The following ECT2L variants were observed in gnomAD, a reference collection of about 807,000 sequenced individuals.
The protein encoded by ECT2L is epithelial cell transforming 2 like, also known as epithelial cell-transforming sequence 2 oncogene-like.
In ECT2L, 126 loss-of-function variants were observed where a neutral mutation model predicts 122.8. The ratio of observed to expected loss-of-function variants is 1.03; its 90% CI spans 0.89 to 1.19. The LOEUF is 1.19. Among genes scored for constraint, ECT2L ranks in the 50% most tolerant of loss-of-function variants. The probability of loss-of-function intolerance (pLI) is 0.00; values close to 1 mark genes in which losing one functional copy is unlikely to be tolerated. For missense variants in ECT2L, 1,012 were observed against 1,064.1 expected, an observed-to-expected ratio of 0.95 and a Z score of 0.68; for synonymous variants, 385 against 381.8, an observed-to-expected ratio of 1.01 and a Z score of -0.10.
Position 138,899,165 on chromosome 6 carries a change from GAAGT to G in ECT2L, c.2415-1779_2415-1776del, listed in dbSNP as rs1329040575. On this transcript the variant is annotated intron_variant, in intron 20 of 21. Coordinates refer to ENST00000541398, the MANE Select transcript of ECT2L (RefSeq NM_001077706.3). ...AGTGGCAATACAGAAAAAAAAAAAT[GAAGT>G]AAGAGAGAGAGGGAGGGAAAAAAAG... 1.8e-4 allele frequency among the ~76,000 whole-genome samples: 27 copies of G among 151,638 alleles called. No individual in the cohort carries two copies. The South Asian group carries it at 4.8e-3, about 27-fold the overall frequency.
intron 13 of ECT2L, among the ~76,000 whole-genome samples, chr6:138,873,508 TTCCAGCCGGGAGC>T (rs2128403450): frequency 6.6e-6 from 1 of 152,212 alleles, no homozygotes; most frequent in East Asian, 1.9e-4. Context: ...TTAAAGACCC[TTCCAGCCGGGAGC>T]AGCGGCTCAC....
intron 5 of ECT2L, among the ~76,000 whole-genome samples, chr6:138,840,395 T>A (rs974057635): frequency 6.6e-6 from 1 of 152,152 alleles, no homozygotes; most frequent in African/African-American, 2.4e-5. Context: ...TTTTCTGTAG[T>A]TCATTTTTTT....
rs552594959 is a variant in ECT2L at position 138,890,492 on chromosome 6, C to CTTTTTTTTTTT, written c.2414+1479_2414+1489dup. Among the ~76,000 whole-genome samples the CTTTTTTTTTTT allele has an allele frequency of 7.4e-3, 585 of 78,920 alleles. 60 individuals are homozygous for CTTTTTTTTTTT. Among genetic ancestry groups the CTTTTTTTTTTT allele is most frequent in the East Asian group, 0.037 (57 of 1,558 alleles). The allele number at this position is 78,920 out of a possible 152,430, so 51.8% of individuals were successfully genotyped here. A position where few individuals can be genotyped will look rare whatever the true frequency, so the allele number is the denominator to read the frequency against. On this transcript the variant is annotated intron_variant, in intron 20 of 21. Transcript: ENST00000541398. ...TCATGACATTTTTGTTTTCTTTGAT[C>CTTTTTTTTTTT]TTTTTTTTTTTTTTTTTTTTTTTTT... is the stretch of plus-strand genomic sequence containing the variant.
At chr6:138,895,561 A>G (rs527629249) in intron 20 of ECT2L, among the ~76,000 whole-genome samples, 6 of 148,502 alleles carry the variant, frequency 4.0e-5, no homozygotes, top group Admixed American at 1.3e-4. Flanking sequence ...CAATTACTAA[A>G]CATATATATA....
intron 4 of ECT2L, among the ~76,000 whole-genome samples, chr6:138,836,092 G>C (rs1344215352): frequency 6.6e-6 from 1 of 151,936 alleles, no homozygotes; most frequent in East Asian, 1.9e-4. Context: ...GCGTCGGGGG[G>C]CATAGCATAT....
intron 4 of ECT2L, among the ~76,000 whole-genome samples, chr6:138,825,575 T>A (rs1776418298): frequency 6.6e-6 from 1 of 151,826 alleles, no homozygotes; most frequent in Admixed American, 6.6e-5. Context: ...AGAGCAGGAC[T>A]CCGTCTAAAA....
chr6:138,809,892 A>G (rs934713102), intron 1 of ECT2L, among the ~76,000 whole-genome samples: 1 of 152,138 alleles, frequency 6.6e-6, no homozygotes, highest in East Asian at 1.9e-4. Flanking sequence ...AACACATTCT[A>G]TATTATGTGG....
At chr6:138,856,612 A>G (rs556157344) in intron 10 of ECT2L, among the ~76,000 whole-genome samples, 1 of 152,320 alleles carries the variant, frequency 6.6e-6, no homozygotes, top group East Asian at 1.9e-4. Context: ...CTTGGATTTA[A>G]TGGCCCAATT....
intron 1 of ECT2L, among the ~76,000 whole-genome samples, chr6:138,799,090 A>G (rs112684460): frequency 2.9e-4 from 44 of 152,304 alleles, no homozygotes; most frequent in Admixed American, 2.7e-3. Flanking sequence ...CTGATTCACG[A>G]ATCGTCCATT....
chr6:138,844,671 G>T (rs1334373601), intron 7 of ECT2L, 91 bp downstream of exon 7: 1 of 1,203,612 alleles, frequency 8.3e-7, no homozygotes, highest in Non-Finnish European at 1.2e-6. Flanking sequence ...CAGAAATCTT[G>T]TGTAATTCTG....
rs1490489043 is a variant in ECT2L, at chr6:138,891,251, A to G, written c.2414+2220A>G. Among the ~76,000 whole-genome samples the G allele has an allele frequency of 3.3e-5, 5 of 152,346 alleles. No homozygotes were observed. In the East Asian group the frequency reaches 7.7e-4, roughly 23 times the overall value. On this transcript the variant is annotated intron_variant, in intron 20 of 21. Transcript: ENST00000541398. ...CAGATAGCAGACCCTGCAATAAATC[A>G]TAGTTTACCTCAAAATATATTTATT...
rs1170631663 is a variant in ECT2L, at chr6:138,847,355, C to CTTTTTTTTTTTTT, written c.903+699_903+711dup. ...TTTGAAAAAGCATTAAAGGCCCAAA[C>CTTTTTTTTTTTTT]TTTTTTTTTTTTTTTTTTTTTTTTT... On this transcript the variant is annotated intron_variant, in intron 8 of 21. Transcript: ENST00000541398. 4.0e-4 allele frequency among the ~76,000 whole-genome samples: 22 copies of CTTTTTTTTTTTTT among 54,954 alleles called. 5 individuals are homozygous for CTTTTTTTTTTTTT. The highest frequency in any genetic ancestry group is 1.7e-3 in the African/African-American group (21 of 12,292). 36.1% of individuals were successfully genotyped at this position (54,954 alleles called of 152,430 possible).
chr6:138,846,728 GT>G (rs759832530), intron 8 of ECT2L, 51 bp downstream of exon 8: 14 of 1,407,214 alleles, frequency 9.9e-6, no homozygotes, highest in East Asian at 5.1e-5. Context: ...TTTGTTTTTT[GT>G]TTTTTTTCAT....
rs566741916 is a variant in ECT2L, at chr6:138,812,925, C to T, written c.-156C>T. 41 of 189,216 alleles carry T rather than the reference C, an allele frequency of 2.2e-4. No individual in the cohort carries two copies. In the South Asian group the frequency reaches 7.0e-3, roughly 33 times the overall value. 11.7% of individuals were successfully genotyped at this position (189,216 alleles called of 1,614,324 possible). A position where few individuals can be genotyped will look rare whatever the true frequency, so the allele number is the denominator to read the frequency against. On this transcript the variant is annotated 5_prime_UTR_variant, in exon 2 of 22. Coordinates refer to ENST00000541398, the MANE Select transcript of ECT2L (RefSeq NM_001077706.3). ...GAACGTTCTTAATGCTTCCCATTTT[C>T]CCAGCAAAGTAAAAAACAACTTTTG...
intron 20 of ECT2L, among the ~76,000 whole-genome samples, chr6:138,892,799 G>C (rs547744240): frequency 1.3e-5 from 2 of 152,080 alleles, no homozygotes; most frequent in African/African-American, 4.8e-5. Context: ...AGCCAGCACC[G>C]CTTATAACTT....
chr6:138,871,627 G>A (rs916171113), intron 13 of ECT2L, among the ~76,000 whole-genome samples: 1 of 152,096 alleles, frequency 6.6e-6, no homozygotes, highest in Admixed American at 6.5e-5. Flanking sequence ...CCAACATGGT[G>A]AGACCCCGTC....
At position 138,847,661 on chromosome 6, in the gene ECT2L, G is replaced by C. The variant is rs377280874; in HGVS notation, c.903+984G>C. ...CAAAGTGCTGGGATTACAGGCGTAA[G>C]CCACCGCACCCAGCCTAAAGGCCCA... is the stretch of plus-strand genomic sequence containing the variant. On this transcript the variant is annotated intron_variant, in intron 8 of 21. Coordinates refer to ENST00000541398, the MANE Select transcript of ECT2L (RefSeq NM_001077706.3). Among the ~76,000 whole-genome samples the C allele has an allele frequency of 2.9e-4, 44 of 151,170 alleles. No individual in the cohort carries two copies. In the East Asian group the frequency reaches 8.1e-3, roughly 28 times the overall value.
chr6:138,835,234 A>T (rs1776790293), intron 4 of ECT2L, among the ~76,000 whole-genome samples: 1 of 152,196 alleles, frequency 6.6e-6, no homozygotes, highest in Non-Finnish European at 1.5e-5. Context: ...TTTCACCTGG[A>T]CTTCCTCATT....
rs945820755 is a variant in ECT2L, at chr6:138,844,416, G to A, written c.600G>A (p.Glu200=). ...CTGCTGTTCTTTGTTTTTCAGAGGAGTTATTCAAAGTTCGACCCCCTTGGG... is the reference window on the plus strand; with the variant it reads ...CTGCTGTTCTTTGTTTTTCAGAGGAATTATTCAAAGTTCGACCCCCTTGGG... ...IWEKIALRKK[E]LFKVRPPWVS... The change falls in exon 7 of 22, where the codon GAG becomes GAA. Residue 200 remains glutamate (E), a synonymous_variant. Coordinates refer to ENST00000541398, the MANE Select transcript of ECT2L (RefSeq NM_001077706.3). 8 of 1,613,370 alleles carry A rather than the reference G, an allele frequency of 5.0e-6. No homozygotes were observed. Among genetic ancestry groups the A allele is most frequent in the Non-Finnish European group, 6.8e-6 (8 of 1,179,584 alleles).
Sources: gnomAD v4.1 joint callset for allele counts (sites outside exome capture counted in the v4.1 genomes callset) on GRCh38, gnomAD v4.1.1 for gene constraint, MANE v1.5 for transcripts, NCBI Gene and HGNC (gene_info 2026-07-23, HGNC 2026-07-21) for gene names.